The following HMCN1 variants were observed in gnomAD, a reference collection of about 807,000 sequenced individuals.
HMCN1 encodes hemicentin-1.
In HMCN1, 321 loss-of-function variants were observed where a neutral mutation model predicts 625.9. The ratio of observed to expected loss-of-function variants is 0.51; its 90% CI spans 0.47 to 0.56. HMCN1 has a LOEUF of 0.56. Among genes scored for constraint, HMCN1 ranks in the 20% least tolerant of loss-of-function variants. The probability of loss-of-function intolerance (pLI) is 0.00; values close to 1 mark genes in which losing one functional copy is unlikely to be tolerated. For missense variants in HMCN1, 6,588 were observed against 6,887.3 expected, an observed-to-expected ratio of 0.96 and a Z score of 1.54; for synonymous variants, 2,425 against 2,417.6, an observed-to-expected ratio of 1.00 and a Z score of -0.09.
chr1:185,822,825 G>A (rs1026898108), intron 1 of HMCN1, among the ~76,000 whole-genome samples: 15 of 151,936 alleles, frequency 9.9e-5, no homozygotes, highest in African/African-American at 3.6e-4. Context: ...CCTGTTTTGG[G>A]CAGGAAGTAT....
intron 1 of HMCN1, among the ~76,000 whole-genome samples, chr1:185,749,846 G>T (rs923467125): frequency 1.3e-5 from 2 of 152,008 alleles, no homozygotes; most frequent in Admixed American, 6.5e-5. Flanking sequence ...AAGCATATTG[G>T]CCTCTTTATT....
chr1:185,980,751 C>T (rs971966416), intron 16 of HMCN1, among the ~76,000 whole-genome samples: 1 of 152,170 alleles, frequency 6.6e-6, no homozygotes, highest in Non-Finnish European at 1.5e-5. Flanking sequence ...AATCCTTCTC[C>T]AATTGCCTTT....
At chr1:186,062,661 A>G in intron 48 of HMCN1, 61 bp downstream of exon 48, 6 of 1,095,286 alleles carry the variant, frequency 5.5e-6, no homozygotes, top group Non-Finnish European at 7.0e-6. Context: ...CATTGCCTCC[A>G]CTATATATCT....
At chr1:186,076,668 T>G in intron 54 of HMCN1, 46 bp downstream of exon 54, 1 of 1,566,802 alleles carries the variant, frequency 6.4e-7, no homozygotes. Context: ...CTCTGCCAAA[T>G]GTGTTTCCTC....
At chr1:185,843,693 G>C (rs1277557196) in intron 1 of HMCN1, among the ~76,000 whole-genome samples, 1 of 152,202 alleles carries the variant, frequency 6.6e-6, no homozygotes, top group Non-Finnish European at 1.5e-5. Context: ...GATGCTTACA[G>C]CTGGAGGGAT....
At chr1:185,828,903 G>A (rs1175970990) in intron 1 of HMCN1, among the ~76,000 whole-genome samples, 1 of 152,066 alleles carries the variant, frequency 6.6e-6, no homozygotes. Context: ...TCTGAGTAGT[G>A]AATTAGGAAG....
intron 1 of HMCN1, among the ~76,000 whole-genome samples, chr1:185,747,638 C>A (rs930387773): frequency 6.6e-6 from 1 of 152,084 alleles, no homozygotes; most frequent in Non-Finnish European, 1.5e-5. Context: ...TTTAAGCATG[C>A]ATTTAATAAA....
At chr1:185,965,781 T>A in intron 13 of HMCN1, 21 bp from the exon 14 acceptor site, 2 of 1,314,236 alleles carry the variant, frequency 1.5e-6, no homozygotes, top group Non-Finnish European at 2.2e-6. Flanking sequence ...TGTTGACTAT[T>A]TGCGTTTTTG....
At chr1:185,944,654 G>A (rs527634079) in intron 11 of HMCN1, among the ~76,000 whole-genome samples, 19 of 152,310 alleles carry the variant, frequency 1.2e-4, no homozygotes, top group African/African-American at 4.3e-4. Flanking sequence ...CTGTGGTAGA[G>A]TAGCTGCTAA....
At chr1:186,072,183 A>G (rs1197846273) in intron 52 of HMCN1, among the ~76,000 whole-genome samples, 1 of 152,178 alleles carries the variant, frequency 6.6e-6, no homozygotes, top group Non-Finnish European at 1.5e-5. Flanking sequence ...CTGTTATTTC[A>G]GTCTTCAGAT....
chr1:185,792,012 C>CA (rs1658037094), intron 1 of HMCN1, among the ~76,000 whole-genome samples: 3 of 152,040 alleles, frequency 2.0e-5, no homozygotes, highest in Non-Finnish European at 2.9e-5. Flanking sequence ...ATCTTCCAAG[C>CA]AATGAAATTA....
intron 81 of HMCN1, 28 bp from the exon 82 acceptor site, chr1:186,125,576 G>C: frequency 6.4e-7 from 1 of 1,562,786 alleles, no homozygotes; most frequent in South Asian, 1.1e-5. Context: ...TCAGCTTCCT[G>C]GATGACTCTT....
chr1:186,125,978 G>A (rs1248447031), intron 82 of HMCN1, among the ~76,000 whole-genome samples, 184 bp downstream of exon 82: 1 of 152,112 alleles, frequency 6.6e-6, no homozygotes, highest in South Asian at 2.1e-4. Context: ...TTTAACAGAC[G>A]ATAGGAACTC....
rs529211868 is a variant in HMCN1, at chr1:185,879,347, T to A, written c.621+13484T>A. On this transcript the variant is annotated intron_variant, in intron 4 of 106. Coordinates refer to ENST00000271588, the MANE Select transcript of HMCN1 (RefSeq NM_031935.3). Reference sequence around the variant, plus strand: ...CACCATGCCCAGCTAATTTTTGATTTTTTTTGTAGAGAGGGGGTCTTTCTA... The same window carrying A: ...CACCATGCCCAGCTAATTTTTGATTATTTTTGTAGAGAGGGGGTCTTTCTA... Among the ~76,000 whole-genome samples, 115 of 152,246 alleles carry A rather than the reference T, an allele frequency of 7.6e-4. 1 individual carries two copies. The highest frequency in any genetic ancestry group is 4.1e-4 in the South Asian group (2 of 4,820).
intron 97 of HMCN1, among the ~76,000 whole-genome samples, chr1:186,161,320 ATG>A (rs1651460880): frequency 6.6e-6 from 1 of 151,792 alleles, no homozygotes; most frequent in South Asian, 2.1e-4. Flanking sequence ...GTGTCTCTGC[ATG>A]TGAGATGGGT....
intron 16 of HMCN1, among the ~76,000 whole-genome samples, chr1:185,978,855 A>G (rs1031468229): frequency 1.3e-5 from 2 of 151,854 alleles, no homozygotes; most frequent in African/African-American, 4.8e-5. Flanking sequence ...TAATTTTTGT[A>G]TTTTTGGTAG....
At chr1:185,788,689 T>A (rs888154459) in intron 1 of HMCN1, among the ~76,000 whole-genome samples, 3 of 152,330 alleles carry the variant, frequency 2.0e-5, no homozygotes, top group Admixed American at 6.5e-5. Flanking sequence ...GCTTGAGCTG[T>A]ACCTTGGTGT....
chr1:186,014,180 G>A (rs1258865054), intron 30 of HMCN1, among the ~76,000 whole-genome samples: 1 of 151,838 alleles, frequency 6.6e-6, no homozygotes, highest in African/African-American at 2.4e-5. Context: ...TACCTGTATG[G>A]GCTGCCTCTC....
rs11415987 is a variant in HMCN1 at position 186,028,725 on chromosome 1, ATTT to A, written c.5749+5587_5749+5589del. Among the ~76,000 whole-genome samples the A allele has an allele frequency of 3.6e-4, 49 of 137,742 alleles. 1 individual carries two copies. The highest frequency in any genetic ancestry group is 1.2e-3 in the African/African-American group (46 of 37,020). The allele number at this position is 137,742 out of a possible 152,430, so 90.4% of individuals were successfully genotyped here. ...TTATGTTTTGACATTTCTAAAGCAT[ATTT>A]TTTTTTTTTTTTTTGAGACGGAGTC... On this transcript the variant is annotated intron_variant, in intron 36 of 106. Coordinates refer to ENST00000271588, the MANE Select transcript of HMCN1 (RefSeq NM_031935.3).
Sources: gnomAD v4.1 joint callset for allele counts (sites outside exome capture counted in the v4.1 genomes callset) on GRCh38, gnomAD v4.1.1 for gene constraint, MANE v1.5 for transcripts, NCBI Gene and HGNC (gene_info 2026-07-23, HGNC 2026-07-21) for gene names.